TMEM135: variants seen among roughly 807,000 people sequenced by gnomAD.
TMEM135 encodes the protein peroxisomal membrane protein 52.
A neutral mutation model predicts 60.3 loss-of-function variants in TMEM135; 30 were observed. The observed-to-expected ratio is 0.50, with a 90% CI of 0.37 to 0.68. The LOEUF (loss-of-function observed/expected upper bound fraction) is 0.68. TMEM135 is among the 30% of genes least tolerant of loss of function. The pLI is 0.00. For missense variants in TMEM135, 468 were observed against 548.8 expected (o/e 0.85, Z 1.47); for synonymous variants, 190 against 186.7 (o/e 1.02, Z -0.14).
chr11:87,054,157 G>A (rs914908853), intron 1 of TMEM135, among the ~76,000 whole-genome samples: 1 of 152,144 alleles, frequency 6.6e-6, no homozygotes. Context: ...TTTAGTGGCG[G>A]GGCAGGTTGG....
chr11:87,316,559 A>G (rs1409792876), intron 12 of TMEM135, among the ~76,000 whole-genome samples: 1 of 152,078 alleles, frequency 6.6e-6, no homozygotes, highest in African/African-American at 2.4e-5. Context: ...GTGTCAGGAA[A>G]TGGTGGCTTG....
At chr11:87,157,543 T>A (rs1938735366) in intron 5 of TMEM135, 137 bp downstream of exon 5, 2 of 709,796 alleles carry the variant, frequency 2.8e-6, no homozygotes, top group Non-Finnish European at 4.7e-6. Context: ...TGAGTGTACC[T>A]GATGAACAAA....
intron 1 of TMEM135, among the ~76,000 whole-genome samples, chr11:87,054,600 G>A (rs749716785): frequency 6.6e-6 from 1 of 152,040 alleles, no homozygotes; most frequent in Non-Finnish European, 1.5e-5. Flanking sequence ...CATTTATTTT[G>A]TATAGCCCTT....
rs567838558 is a variant in TMEM135 at position 87,246,672 on chromosome 11, G to A, written c.509+9988G>A. Among the ~76,000 whole-genome samples, 836 of 147,598 alleles carry A rather than the reference G, an allele frequency of 5.7e-3. 8 individuals carry two copies. Among genetic ancestry groups the A allele is most frequent in the African/African-American group, 0.02 (772 of 39,552 alleles). On this transcript the variant is annotated intron_variant, in intron 6 of 14. Coordinates refer to ENST00000305494, the MANE Select transcript of TMEM135 (RefSeq NM_022918.4). ...CTCCTGAGGCTTCTGCATTCTTCAC[G>A]TAGTTCTCGAGCCTTGGCTTTCAGC...
chr11:87,058,963 A>C (rs1247029911), intron 1 of TMEM135, among the ~76,000 whole-genome samples: 1 of 151,606 alleles, frequency 6.6e-6, no homozygotes, highest in Non-Finnish European at 1.5e-5. Context: ...TTTGAGACAG[A>C]GTCTCGCTCT....
chr11:87,101,946 C>T (rs949427004), intron 4 of TMEM135, among the ~76,000 whole-genome samples: 1 of 151,978 alleles, frequency 6.6e-6, no homozygotes, highest in Non-Finnish European at 1.5e-5. Flanking sequence ...GCACTTCAGC[C>T]TGGGCAACAA....
rs1590862919 is a variant in TMEM135, at chr11:87,309,415, T to A, written c.769-90T>A. 2.9e-6 allele frequency: 4 copies of A among 1,371,044 alleles called. No individual in the cohort carries two copies. In the East Asian group the frequency reaches 9.2e-5, roughly 31 times the overall value. 84.9% of individuals were successfully genotyped at this position (1,371,044 alleles called of 1,614,324 possible). ...AAACTTAGATTAAATTTGTTTTGTC[T>A]TGTTTCTATTTTGAGATGGTAAAAT... On this transcript the variant is annotated intron_variant, in intron 9 of 14. Coordinates refer to ENST00000305494, the MANE Select transcript of TMEM135 (RefSeq NM_022918.4).
intron 3 of TMEM135, among the ~76,000 whole-genome samples, chr11:87,082,358 C>A (rs1416380696): frequency 1.3e-5 from 2 of 152,070 alleles, no homozygotes; most frequent in Admixed American, 1.3e-4. Flanking sequence ...ATATCAAGAT[C>A]CATTAAAAGC....
chr11:87,195,389 C>T (rs1023801446), intron 5 of TMEM135, among the ~76,000 whole-genome samples: 49 of 81,880 alleles, frequency 6.0e-4, no homozygotes, highest in African/African-American at 1.9e-3. Context: ...TTCCTTCCTT[C>T]CTTCTCTCTC....
At chr11:87,096,269 G>A in intron 4 of TMEM135, 1 of 273,094 alleles carries the variant, frequency 3.7e-6, no homozygotes, top group Non-Finnish European at 7.3e-6. Flanking sequence ...ACTGTTAAAA[G>A]CCATCTTCTC....
chr11:87,197,032 T>TA (rs1441192075), intron 5 of TMEM135, among the ~76,000 whole-genome samples: 1 of 152,102 alleles, frequency 6.6e-6, no homozygotes, highest in Non-Finnish European at 1.5e-5. Context: ...TAGCAAAACT[T>TA]ATAGTACCAA....
Position 87,067,757 on chromosome 11 carries a change from C to G in TMEM135, c.205C>G (p.Leu69Val), listed in dbSNP as rs971317680. Residue 69 changes from leucine (L) to valine (V), a missense_variant, in exon 2 of 15, where the codon CTA becomes GTA. Physicochemically the swap from Leu to Val is conservative, Grantham distance 32. Transcript: ENST00000305494. ...TTTACACAAACTACTCCCTGAGATC[C>G]TACAATCCGCTTCATTTCTAACTGC... ...YYLHKLLPEILQSASFLTANG... is the reference protein window; with the variant it reads ...YYLHKLLPEIVQSASFLTANG... The G allele has an allele frequency of 6.8e-6, 11 of 1,613,828 alleles. No homozygotes were observed. Among genetic ancestry groups the G allele is most frequent in the Non-Finnish European group, 9.3e-6 (11 of 1,179,944 alleles).
At chr11:87,168,887 A>T (rs1430758400) in intron 5 of TMEM135, among the ~76,000 whole-genome samples, 2 of 150,656 alleles carry the variant, frequency 1.3e-5, no homozygotes, top group Non-Finnish European at 3.0e-5. Context: ...TTGATCTAAT[A>T]TGGACGATGA....
chr11:87,275,347 A>T (rs1042610298), intron 6 of TMEM135, among the ~76,000 whole-genome samples: 2 of 152,130 alleles, frequency 1.3e-5, no homozygotes, highest in Admixed American at 6.5e-5. Flanking sequence ...CTTAAGTGCT[A>T]GCAACCATTA....
In TMEM135 at chr11:87,165,669, C is replaced by G. The variant is rs532294674; in HGVS notation, c.462+8263C>G. 1.4e-4 allele frequency among the ~76,000 whole-genome samples: 21 copies of G among 151,476 alleles called. 1 individual carries two copies. Among genetic ancestry groups the G allele is most frequent in the African/African-American group, 4.1e-4 (17 of 40,968 alleles). ...AATTCAGCTGTGAATCCATCTGGTC[C>G]TGGACTCTTTACTAGAAAAGCAAGA... On this transcript the variant is annotated intron_variant, in intron 5 of 14. Transcript: ENST00000305494.
At chr11:87,058,823 T>C (rs1949918706) in intron 1 of TMEM135, among the ~76,000 whole-genome samples, 2 of 151,928 alleles carry the variant, frequency 1.3e-5, no homozygotes, top group South Asian at 4.1e-4. Context: ...GGTTTCATCA[T>C]GTTAGCCAGG....
intron 1 of TMEM135, among the ~76,000 whole-genome samples, chr11:87,060,835 G>A (rs1949939545): frequency 6.6e-6 from 1 of 151,978 alleles, no homozygotes; most frequent in South Asian, 2.1e-4. Context: ...GTAGAGACGG[G>A]GTTTCACTGT....
intron 3 of TMEM135, among the ~76,000 whole-genome samples, chr11:87,089,542 CAAAAAG>C (rs766452211): frequency 1.3e-5 from 2 of 149,446 alleles, no homozygotes; most frequent in African/African-American, 4.9e-5. Flanking sequence ...GATCCTGTCT[CAAAAAG>C]AAAAAGAAAA....
chr11:87,047,474 C>T (rs1489209069), intron 1 of TMEM135, among the ~76,000 whole-genome samples: 7 of 150,860 alleles, frequency 4.6e-5, no homozygotes, highest in African/African-American at 9.8e-5. Context: ...GTGCGCGAGC[C>T]GAAGCAGGGC....
Sources: allele counts gnomAD v4.1 joint callset (sites outside exome capture counted in the v4.1 genomes callset), GRCh38; gene constraint gnomAD v4.1.1; transcripts MANE v1.5; gene names NCBI Gene and HGNC (gene_info 2026-07-23, HGNC 2026-07-21).